RNF150: variants seen among roughly 807,000 people sequenced by gnomAD.
RNF150 encodes the protein ring finger protein 150.
Under a neutral mutation model 39.3 loss-of-function variants are expected in RNF150, and 24 were observed. That is an observed-to-expected ratio of 0.61 (90% CI 0.44 to 0.86). The LOEUF (loss-of-function observed/expected upper bound fraction) is 0.86, where lower values mean the gene tolerates loss of function less well. RNF150 is among the 40% of genes least tolerant of loss of function. The pLI is 0.00. For synonymous variants in RNF150, 255 were observed against 227.3 expected, an observed-to-expected ratio of 1.12 and a Z score of -1.10; for missense variants, 502 against 587.8, an observed-to-expected ratio of 0.85 and a Z score of 1.51.
At chr4:141,009,393 G>A (rs1734989517) in intron 1 of RNF150, among the ~76,000 whole-genome samples, 2 of 152,286 alleles carry the variant, frequency 1.3e-5, no homozygotes, top group South Asian at 2.1e-4. Flanking sequence ...CTACCTTACT[G>A]TCCGTGTGAT....
At chr4:141,155,797 G>T (rs756618980) in intron 1 of RNF150, among the ~76,000 whole-genome samples, 23 of 152,190 alleles carry the variant, frequency 1.5e-4, no homozygotes, top group Admixed American at 5.2e-4. Flanking sequence ...AGGAATGCTG[G>T]TCAATTGTTG....
At chr4:141,055,671 T>C (rs1004356344) in intron 1 of RNF150, among the ~76,000 whole-genome samples, 2 of 152,102 alleles carry the variant, frequency 1.3e-5, no homozygotes, top group Non-Finnish European at 2.9e-5. Context: ...ATAGAAAATA[T>C]GCAAAAGAGG....
At chr4:140,980,255 C>G (rs910167107) in intron 1 of RNF150, among the ~76,000 whole-genome samples, 1 of 151,928 alleles carries the variant, frequency 6.6e-6, no homozygotes, top group Non-Finnish European at 1.5e-5. Context: ...GTTGGCCATG[C>G]TGGTCTCGAA....
In RNF150 at chr4:140,931,609, C is replaced by A. The variant is rs116513125; in HGVS notation, c.891-5536G>T. Reference sequence around the variant, plus strand: ...TAGGATTCACAGGATAGCAGTGAATCTTCCCATGGTTTAACAAGTGCTGAG... The same window carrying A: ...TAGGATTCACAGGATAGCAGTGAATATTCCCATGGTTTAACAAGTGCTGAG... On this transcript the variant is annotated intron_variant, in intron 4 of 6. Transcript: ENST00000515673. 6.7e-3 allele frequency among the ~76,000 whole-genome samples: 1,019 copies of A among 152,328 alleles called. 11 individuals carry two copies. The highest frequency in any genetic ancestry group is 0.018 in the African/African-American group (758 of 41,580).
chr4:141,210,162 G>A (rs1340533543), intron 1 of RNF150, among the ~76,000 whole-genome samples: 1 of 152,174 alleles, frequency 6.6e-6, no homozygotes, highest in Non-Finnish European at 1.5e-5. Flanking sequence ...CCACTTCTAT[G>A]TGTATTTGAT....
intron 1 of RNF150, among the ~76,000 whole-genome samples, chr4:141,050,265 G>C (rs1451393275): frequency 2.6e-5 from 4 of 152,178 alleles, no homozygotes; most frequent in African/African-American, 9.6e-5. Context: ...GGAATTATGG[G>C]AGTTACAATT....
chr4:141,019,059 TATATATATATATATATA>T (rs1735386703), intron 1 of RNF150, among the ~76,000 whole-genome samples: 1 of 114,506 alleles, frequency 8.7e-6, no homozygotes, highest in African/African-American at 3.5e-5. Context: ...TATATATATA[TATATATATATATATATA>T]TATATGGAAC....
intron 1 of RNF150, among the ~76,000 whole-genome samples, chr4:141,042,005 G>A (rs964319038): frequency 6.6e-6 from 1 of 151,968 alleles, no homozygotes; most frequent in Admixed American, 6.6e-5. Flanking sequence ...AGGTCTCACT[G>A]GGGCCAGTAC....
chr4:141,044,852 T>C (rs1255295737), intron 1 of RNF150, among the ~76,000 whole-genome samples: 3 of 152,084 alleles, frequency 2.0e-5, no homozygotes, highest in Non-Finnish European at 4.4e-5. Flanking sequence ...CTGTGGCACA[T>C]CTTACTGGAG....
intron 1 of RNF150, among the ~76,000 whole-genome samples, chr4:141,048,536 T>A (rs934490240): frequency 2.0e-5 from 3 of 151,994 alleles, no homozygotes; most frequent in Non-Finnish European, 4.4e-5. Flanking sequence ...TTTGAGACCA[T>A]CCTGAACAAC....
chr4:141,208,931 C>G (rs997262266), intron 1 of RNF150, among the ~76,000 whole-genome samples: 7 of 152,152 alleles, frequency 4.6e-5, no homozygotes, highest in Admixed American at 2.0e-4. Context: ...CATGGGACAA[C>G]AGTGGCCAGA....
chr4:141,000,004 A>AGAG (rs1734561992), intron 1 of RNF150, among the ~76,000 whole-genome samples: 1 of 33,942 alleles, frequency 2.9e-5, no homozygotes, highest in Non-Finnish European at 7.1e-5. Context: ...AAGAAGAAGA[A>AGAG]GAAGAAGAAG....
chr4:140,872,967 G>A (rs1729007101), intron 6 of RNF150, among the ~76,000 whole-genome samples: 1 of 152,042 alleles, frequency 6.6e-6, no homozygotes, highest in Non-Finnish European at 1.5e-5. Flanking sequence ...TTTTGTTTTT[G>A]TTTTTGTTTT....
At chr4:141,031,605 T>C (rs10026796) in intron 1 of RNF150, among the ~76,000 whole-genome samples, 92,568 of 151,940 alleles carry the variant, frequency 0.61, 29,015 homozygotes, top group Non-Finnish European at 0.69. Context: ...CTTTAATAGA[T>C]ATTTCACAAA....
chr4:141,047,316 G>A (rs1489662600), intron 1 of RNF150, among the ~76,000 whole-genome samples: 2 of 151,914 alleles, frequency 1.3e-5, no homozygotes, highest in African/African-American at 4.8e-5. Context: ...AAGGTATTTC[G>A]ACCCCTTCCT....
At chr4:141,012,315 C>T (rs1434074606) in intron 1 of RNF150, among the ~76,000 whole-genome samples, 2 of 152,184 alleles carry the variant, frequency 1.3e-5, no homozygotes, top group Non-Finnish European at 2.9e-5. Context: ...AAGAAGCTGG[C>T]TGTGAAGTTG....
chr4:141,039,152 G>T (rs966375204), intron 1 of RNF150, among the ~76,000 whole-genome samples: 6 of 152,152 alleles, frequency 3.9e-5, no homozygotes, highest in Non-Finnish European at 7.3e-5. Context: ...CTGTGTTTGG[G>T]CTGAGAATGG....
chr4:140,906,674 C>A (rs886484207), intron 6 of RNF150, among the ~76,000 whole-genome samples: 4 of 152,186 alleles, frequency 2.6e-5, no homozygotes, highest in Non-Finnish European at 4.4e-5. Context: ...TACATTAATT[C>A]ATGTGTACTG....
intron 5 of RNF150, among the ~76,000 whole-genome samples, chr4:140,914,118 T>G (rs1232350701): frequency 2.0e-5 from 3 of 152,248 alleles, no homozygotes; most frequent in South Asian, 2.1e-4. Flanking sequence ...TTAATTTTGA[T>G]GCAGTTTTTT....
Sources: allele counts gnomAD v4.1 joint callset (sites outside exome capture counted in the v4.1 genomes callset), GRCh38; gene constraint gnomAD v4.1.1; transcripts MANE v1.5; gene names NCBI Gene and HGNC (gene_info 2026-07-23, HGNC 2026-07-21).